Variants in ZNF736 observed in about 807,000 individuals in gnomAD.
ZNF736 encodes zinc finger protein 736.
In ZNF736, 6 loss-of-function variants were observed where a neutral mutation model predicts 11.7. That is an observed-to-expected ratio of 0.51 (90% confidence interval 0.28 to 1.01). ZNF736 has a LOEUF of 1.01. ZNF736 is among the 50% of genes least tolerant of loss of function. The pLI is 0.09. For synonymous variants in ZNF736, 139 were observed against 164.7 expected (o/e 0.84, Z 1.19); for missense variants, 444 against 496.0 (o/e 0.90, Z 1.00).
chr7:64,314,079 T>A lies in ZNF736; in HGVS notation c.-72T>A. On this transcript the variant is annotated 5_prime_UTR_variant, in exon 1 of 4. Transcript: ENST00000423484. Reference sequence around the variant, plus strand: ...AGTTCCTCGGTGACTCTACTATAGCTTCTGTTATCCTGTGACCTGCAGGTA... The same window carrying A: ...AGTTCCTCGGTGACTCTACTATAGCATCTGTTATCCTGTGACCTGCAGGTA... 6.5e-7 allele frequency: 1 copy of A among 1,547,956 alleles called. No homozygotes were observed. The highest frequency in any genetic ancestry group is 1.4e-5 in the African/African-American group (1 of 73,052).
intron 1 of ZNF736, among the ~76,000 whole-genome samples, chr7:64,323,970 C>A (rs641310): frequency 0.98 from 148,560 of 152,302 alleles, 72,529 homozygotes; most frequent in Non-Finnish European, 1. Flanking sequence ...AAACACATAC[C>A]AACTATTTGA....
intron 1 of ZNF736, among the ~76,000 whole-genome samples, chr7:64,318,446 T>C (rs1308672143): frequency 6.6e-6 from 1 of 152,024 alleles, no homozygotes; most frequent in Non-Finnish European, 1.5e-5. Context: ...TATTTATTTA[T>C]TCTTAACAAT....
chr7:64,338,883 T>C (rs1468957018), intron 3 of ZNF736, among the ~76,000 whole-genome samples: 2 of 152,030 alleles, frequency 1.3e-5, no homozygotes, highest in Non-Finnish European at 2.9e-5. Context: ...GCAGTACTAT[T>C]AAAAAATTTT....
intron 1 of ZNF736, among the ~76,000 whole-genome samples, chr7:64,329,928 T>C (rs190287262): frequency 1.6e-3 from 251 of 152,242 alleles, no homozygotes; most frequent in African/African-American, 4.5e-3. Flanking sequence ...TACTTGGTGC[T>C]CTATTCTGTT....
At chr7:64,324,318 C>T (rs777122639) in intron 1 of ZNF736, among the ~76,000 whole-genome samples, 15 of 152,112 alleles carry the variant, frequency 9.9e-5, no homozygotes, top group Non-Finnish European at 2.1e-4. Flanking sequence ...GCCTGTGAAT[C>T]ACTCAGCAAG....
At chr7:64,347,888 G>A (rs980948601) in intron 3 of ZNF736, among the ~76,000 whole-genome samples, 11 of 152,170 alleles carry the variant, frequency 7.2e-5, no homozygotes, top group African/African-American at 2.7e-4. Flanking sequence ...TGCTCACTTG[G>A]TGTGCCGCAA....
intron 1 of ZNF736, among the ~76,000 whole-genome samples, chr7:64,322,049 A>G (rs1475234376): frequency 6.6e-6 from 1 of 152,152 alleles, no homozygotes; most frequent in African/African-American, 2.4e-5. Flanking sequence ...GAATTTAGCA[A>G]TGAAATAGCT....
intron 1 of ZNF736, 33 bp from the exon 2 acceptor site, chr7:64,336,226 A>G (rs55684337): frequency 0.29 from 468,048 of 1,591,038 alleles, 69,710 homozygotes; most frequent in African/African-American, 0.34. Context: ...AATTCTTTCT[A>G]TGGTCACTTG....
At chr7:64,345,395 A>G (rs1056881651) in intron 3 of ZNF736, among the ~76,000 whole-genome samples, 13 of 151,986 alleles carry the variant, frequency 8.6e-5, no homozygotes, top group African/African-American at 2.7e-4. Flanking sequence ...GGACATCTTC[A>G]CAATGTTATG....
At chr7:64,319,289 GTATGTATGTGTGTGTGTGTA>G (rs1455895132) in intron 1 of ZNF736, among the ~76,000 whole-genome samples, 3 of 137,210 alleles carry the variant, frequency 2.2e-5, no homozygotes, top group South Asian at 2.4e-4. Flanking sequence ...ATATGTGTAT[GTATGTATGTGTGTGTGTGTA>G]TATGTATGTG....
intron 3 of ZNF736, among the ~76,000 whole-genome samples, chr7:64,343,053 A>G (rs1054984165): frequency 6.6e-6 from 1 of 152,188 alleles, no homozygotes; most frequent in African/African-American, 2.4e-5. Context: ...TTCTCATCAA[A>G]GCTTTTTATG....
At chr7:64,341,737 C>G (rs748127091) in intron 3 of ZNF736, among the ~76,000 whole-genome samples, 2 of 152,106 alleles carry the variant, frequency 1.3e-5, no homozygotes, top group Non-Finnish European at 2.9e-5. Flanking sequence ...TTGTGTTTTA[C>G]TTAGACCAAT....
intron 1 of ZNF736, among the ~76,000 whole-genome samples, chr7:64,327,729 C>T (rs539438707): frequency 5.7e-4 from 86 of 152,082 alleles, no homozygotes; most frequent in African/African-American, 1.9e-3. Flanking sequence ...TTTGAGGTTA[C>T]CATGAGGCTT....
chr7:64,338,545 T>C (rs1317520067), intron 3 of ZNF736, among the ~76,000 whole-genome samples: 1 of 152,184 alleles, frequency 6.6e-6, no homozygotes. Context: ...TACTCTCTTC[T>C]TCTAGGAGTC....
intron 3 of ZNF736, among the ~76,000 whole-genome samples, chr7:64,339,752 T>C (rs1789310308): frequency 7.1e-6 from 1 of 140,410 alleles, no homozygotes; most frequent in African/African-American, 2.5e-5. Flanking sequence ...TCCTCAAAAC[T>C]GCTTTGGATA....
At chr7:64,338,152 A>T (rs1049007809) in intron 3 of ZNF736, among the ~76,000 whole-genome samples, 1 of 152,224 alleles carries the variant, frequency 6.6e-6, no homozygotes, top group African/African-American at 2.4e-5. Context: ...TGTGTCATTC[A>T]TATGTATATA....
chr7:64,330,611 C>G (rs554362849), intron 1 of ZNF736, among the ~76,000 whole-genome samples: 2 of 152,244 alleles, frequency 1.3e-5, no homozygotes, highest in African/African-American at 4.8e-5. Context: ...CTTCTTCCCT[C>G]TCTTTTCCTC....
At chr7:64,332,320 G>A (rs1019750956) in intron 1 of ZNF736, among the ~76,000 whole-genome samples, 16 of 152,094 alleles carry the variant, frequency 1.1e-4, no homozygotes, top group Admixed American at 9.2e-4. Context: ...CACCAGGGGT[G>A]ACATCACATA....
Position 64,336,114 on chromosome 7 carries a change from G to T in ZNF736, c.4-145G>T, listed in dbSNP as rs182931923. On this transcript the variant is annotated intron_variant, in intron 1 of 3. Transcript: ENST00000423484. ...TTCTCAGAGTTAAAAATACACTAGA[G>T]AATATTTCTGTGCTAGAAAGTATCC... is the stretch of plus-strand genomic sequence containing the variant. 4.4e-6 allele frequency: 4 copies of T among 910,730 alleles called. No individual in the cohort carries two copies. In the African/African-American group the frequency reaches 6.7e-5, roughly 15 times the overall value. The allele number at this position is 910,730 out of a possible 1,614,324, so 56.4% of individuals were successfully genotyped here.
Sources: gnomAD v4.1 joint callset for allele counts (sites outside exome capture counted in the v4.1 genomes callset) on GRCh38, gnomAD v4.1.1 for gene constraint, MANE v1.5 for transcripts, NCBI Gene and HGNC (gene_info 2026-07-23, HGNC 2026-07-21) for gene names.